The following GCM1 variants were observed in gnomAD, a reference collection of about 807,000 sequenced individuals.
GCM1 encodes the protein chorion-specific transcription factor GCMa.
Under a neutral mutation model 25.7 loss-of-function variants are expected in GCM1, and 2 were observed. The observed-to-expected ratio is 0.08, with a 90% CI of 0.03 to 0.24. GCM1 has a LOEUF of 0.24. GCM1 is among the 10% of genes least tolerant of loss of function. The pLI, the probability that GCM1 is intolerant of heterozygous loss-of-function variation, is 1.00. For synonymous variants in GCM1, 183 were observed against 195.7 expected (o/e 0.94, Z 0.54); for missense variants, 395 against 538.7 (o/e 0.73, Z 2.64).
At chr6:53,130,659 T>G (rs1032407448) in intron 5 of GCM1, 144 bp downstream of exon 5, 1 of 602,514 alleles carries the variant, frequency 1.7e-6, no homozygotes, top group African/African-American at 1.8e-5. Context: ...TTTAATTTCT[T>G]TAGCAGATGC....
At chr6:53,133,983 C>A in intron 3 of GCM1, 89 bp downstream of exon 3, 3 of 1,320,550 alleles carry the variant, frequency 2.3e-6, no homozygotes, top group South Asian at 1.4e-5. Context: ...TGGTTTTGCC[C>A]TTGGGCGGTG....
intron 2 of GCM1, among the ~76,000 whole-genome samples, chr6:53,142,752 C>G (rs1179931086): frequency 1.3e-5 from 2 of 151,830 alleles, no homozygotes; most frequent in African/African-American, 4.8e-5. Flanking sequence ...ACAAGGCTGA[C>G]ATTTCTAGAA....
chr6:53,147,391 C>T (rs368530737), intron 1 of GCM1, among the ~76,000 whole-genome samples: 10 of 146,698 alleles, frequency 6.8e-5, no homozygotes, highest in East Asian at 2.0e-4. Context: ...TAAGCTTTGG[C>T]GAGACCCATG....
intron 2 of GCM1, 64 bp downstream of exon 2, chr6:53,145,494 G>T (rs539581859): frequency 1.3e-4 from 112 of 865,396 alleles, no homozygotes; most frequent in Non-Finnish European, 2.4e-5. Context: ...CCAGGTCTCC[G>T]CATGTTAATA....
At chr6:53,147,019 G>A (rs1204500740) in intron 1 of GCM1, among the ~76,000 whole-genome samples, 1 of 152,086 alleles carries the variant, frequency 6.6e-6, no homozygotes, top group Non-Finnish European at 1.5e-5. Context: ...GGGTGACAGA[G>A]TGAGACCTTG....
At chr6:53,141,677 ACT>A (rs1459403023) in intron 2 of GCM1, among the ~76,000 whole-genome samples, 1 of 150,686 alleles carries the variant, frequency 6.6e-6, no homozygotes, top group African/African-American at 2.4e-5. Flanking sequence ...GCAGAGCGAG[ACT>A]CTGTCTGAAA....
intron 2 of GCM1, among the ~76,000 whole-genome samples, chr6:53,141,018 TC>T (rs1763864206): frequency 6.6e-6 from 1 of 152,192 alleles, no homozygotes; most frequent in Admixed American, 6.5e-5. Context: ...AATTTTTTTT[TC>T]CTCTAACCTT....
At chr6:53,134,409 T>A in intron 2 of GCM1, 85 bp from the exon 3 acceptor site, 1 of 1,325,644 alleles carries the variant, frequency 7.5e-7, no homozygotes, top group South Asian at 1.3e-5. Context: ...ATAGGAAGGA[T>A]GTTTTGGCAT....
chr6:53,136,047 G>A (rs1240566855), intron 2 of GCM1, among the ~76,000 whole-genome samples: 1 of 152,240 alleles, frequency 6.6e-6, no homozygotes, highest in African/African-American at 2.4e-5. Context: ...GATACTTGTT[G>A]AATGGAATGT....
chr6:53,129,115 G>T lies in GCM1; in HGVS notation c.571-169C>A, dbSNP rs80160296. Among the ~76,000 whole-genome samples the T allele has an allele frequency of 2.9e-3, 439 of 152,052 alleles. No homozygotes were observed. The highest frequency in any genetic ancestry group is 0.01 in the African/African-American group (426 of 41,508). ...CATGCAGCGGCTTGACCACAACCACGAAACACTTGAAAAAAGCAAAGGCTG... is the reference window on the plus strand; with the variant it reads ...CATGCAGCGGCTTGACCACAACCACTAAACACTTGAAAAAAGCAAAGGCTG... On this transcript the variant is annotated intron_variant, in intron 5 of 5. Coordinates refer to ENST00000259803, the MANE Select transcript of GCM1 (RefSeq NM_003643.4).
intron 2 of GCM1, among the ~76,000 whole-genome samples, chr6:53,144,976 TG>T (rs1562091999): frequency 1.0e-5 from 1 of 99,966 alleles, no homozygotes; most frequent in Admixed American, 1.2e-4. Flanking sequence ...AGAAAGAAAA[TG>T]AAAAGAAAGA....
At chr6:53,136,908 G>A (rs1461414277) in intron 2 of GCM1, among the ~76,000 whole-genome samples, 1 of 151,996 alleles carries the variant, frequency 6.6e-6, no homozygotes, top group African/African-American at 2.4e-5. Context: ...CCTGGGAGGT[G>A]GAGGTTGCAG....
At position 53,142,631 on chromosome 6, in the gene GCM1, A is replaced by G. The variant is rs1763891367; in HGVS notation, c.75+2927T>C. Among the ~76,000 whole-genome samples, 3 of 152,208 alleles carry G rather than the reference A, an allele frequency of 2.0e-5. No homozygotes were observed. The South Asian group carries it at 6.2e-4, about 31-fold the overall frequency. ...ATTCTACAGGAGGTAACTAAGACTT[A>G]AGAAAATCAATTTCTCCAGGCTCAC... On this transcript the variant is annotated intron_variant, in intron 2 of 5. Transcript: ENST00000259803.
At chr6:53,139,039 A>G (rs1763838719) in intron 2 of GCM1, among the ~76,000 whole-genome samples, 1 of 152,228 alleles carries the variant, frequency 6.6e-6, no homozygotes, top group South Asian at 2.1e-4. Flanking sequence ...CATATTATGA[A>G]ATTGATTTTC....
intron 2 of GCM1, among the ~76,000 whole-genome samples, chr6:53,141,022 CTA>C (rs1763864301): frequency 6.6e-6 from 1 of 151,808 alleles, no homozygotes; most frequent in Non-Finnish European, 1.5e-5. Context: ...TTTTTTTCCT[CTA>C]ACCTTACACA....
chr6:53,146,194 T>TTATA lies in GCM1; in HGVS notation c.-136-430_-136-427dup, dbSNP rs201484737. Among the ~76,000 whole-genome samples the TTATA allele has an allele frequency of 1.1e-3, 113 of 100,908 alleles. 1 individual carries two copies. The highest frequency in any genetic ancestry group is 2.4e-3 in the East Asian group (8 of 3,294). The allele number at this position is 100,908 out of a possible 152,430, so 66.2% of individuals were successfully genotyped here. On this transcript the variant is annotated intron_variant, in intron 1 of 5. Transcript: ENST00000259803. ...TTATCTAGGAAAATACATATATGTTTTATATATATATATATATATATATTT... is the reference window on the plus strand; with the variant it reads ...TTATCTAGGAAAATACATATATGTTTTATATATATATATATATATATATATATTT...
chr6:53,139,420 A>T (rs1763842638), intron 2 of GCM1, among the ~76,000 whole-genome samples: 1 of 148,444 alleles, frequency 6.7e-6, no homozygotes, highest in Admixed American at 6.9e-5. Flanking sequence ...CCAGCTACCC[A>T]GTAGGCTAAG....
At chr6:53,145,868 A>G (rs1763947344) in intron 1 of GCM1, 100 bp from the exon 2 acceptor site, 1 of 450,282 alleles carries the variant, frequency 2.2e-6, no homozygotes, top group Non-Finnish European at 3.9e-6. Flanking sequence ...ACATTTTTGC[A>G]AGTACCAACA....
Position 53,138,447 on chromosome 6 carries a change from A to T in GCM1, c.76-4123T>A, listed in dbSNP as rs2127509593. ...TTTGATGTCTTTTTACACTGAAATT[A>T]AGAGAAAACCCAGATCTCAATAATG... is the stretch of plus-strand genomic sequence containing the variant. On this transcript the variant is annotated intron_variant, in intron 2 of 5. Transcript: ENST00000259803. Among the ~76,000 whole-genome samples, 3 of 152,246 alleles carry T rather than the reference A, an allele frequency of 2.0e-5. No homozygotes were observed. The South Asian group carries it at 6.2e-4, about 32-fold the overall frequency.
Sources: gnomAD v4.1 joint callset for allele counts (sites outside exome capture counted in the v4.1 genomes callset) on GRCh38, gnomAD v4.1.1 for gene constraint, MANE v1.5 for transcripts, NCBI Gene and HGNC (gene_info 2026-07-23, HGNC 2026-07-21) for gene names.